The following EGFLAM variants were observed in gnomAD, a reference collection of about 807,000 sequenced individuals.
EGFLAM encodes EGF like, fibronectin type III and laminin G domains.
EGFLAM carries 79 observed loss-of-function variants against 113.1 expected under a neutral mutation model. The ratio of observed to expected loss-of-function variants is 0.70; its 90% CI spans 0.58 to 0.84. The LOEUF is 0.84. Among genes scored for constraint, EGFLAM ranks in the 40% least tolerant of loss-of-function variants. EGFLAM has a pLI of 0.00. For missense variants in EGFLAM, 1,265 were observed against 1,291.6 expected, an observed-to-expected ratio of 0.98 and a Z score of 0.32; for synonymous variants, 504 against 487.6, an observed-to-expected ratio of 1.03 and a Z score of -0.44.
chr5:38,289,953 T>C (rs188911894), intron 1 of EGFLAM, among the ~76,000 whole-genome samples: 90 of 152,352 alleles, frequency 5.9e-4, no homozygotes, highest in Admixed American at 3.2e-3. Flanking sequence ...AAGCACTTAC[T>C]CTGTCAGGCA....
intron 10 of EGFLAM, 114 bp downstream of exon 10, chr5:38,409,218 T>A (rs1178776425): frequency 3.6e-6 from 3 of 822,596 alleles, no homozygotes; most frequent in Non-Finnish European, 5.7e-6. Context: ...GATGAAAGAA[T>A]GGTTTGTATA....
intron 5 of EGFLAM, among the ~76,000 whole-genome samples, chr5:38,358,950 C>G (rs1208398868): frequency 6.6e-6 from 1 of 152,090 alleles, no homozygotes; most frequent in Non-Finnish European, 1.5e-5. Flanking sequence ...GAGAATATTT[C>G]TTTTCTAAAG....
chr5:38,293,193 T>G (rs1408110525), intron 1 of EGFLAM, among the ~76,000 whole-genome samples: 1 of 152,222 alleles, frequency 6.6e-6, no homozygotes, highest in Non-Finnish European at 1.5e-5. Flanking sequence ...CTGGGCAGTA[T>G]AGCAGTTGTT....
Position 38,418,167 on chromosome 5 carries a change from A to C in EGFLAM, c.1596A>C (p.Gln532His), listed in dbSNP as rs757806640. 6.2e-7 allele frequency: 1 copy of C among 1,614,186 alleles called. No individual in the cohort carries two copies. ...VRATGTNRGFQGCVQSLAVNG... is the reference protein window; with the variant it reads ...VRATGTNRGFHGCVQSLAVNG... Reference sequence around the variant, plus strand: ...CAACAGGGACAAACCGAGGCTTTCAAGGCTGTGTGCAGTCGCTCGCTGTGA... The same window carrying C: ...CAACAGGGACAAACCGAGGCTTTCACGGCTGTGTGCAGTCGCTCGCTGTGA... The change falls in exon 12 of 22, where the codon CAA becomes CAC. Residue 532 changes from glutamine to histidine, a missense_variant. Coordinates refer to ENST00000322350, the MANE Select transcript of EGFLAM (RefSeq NM_152403.4).
At chr5:38,430,179 A>T (rs1742145369) in intron 14 of EGFLAM, 2 of 187,536 alleles carry the variant, frequency 1.1e-5, no homozygotes, top group African/African-American at 4.7e-5. Flanking sequence ...GCAACCACTC[A>T]GGCCTATAGC....
intron 1 of EGFLAM, among the ~76,000 whole-genome samples, chr5:38,268,094 GGT>G (rs1230946344): frequency 1.3e-5 from 2 of 152,026 alleles, no homozygotes; most frequent in East Asian, 3.9e-4. Context: ...CCGGCAAGAT[GGT>G]TTGTTGATTT....
intron 1 of EGFLAM, among the ~76,000 whole-genome samples, chr5:38,290,344 C>T (rs1758290541): frequency 6.6e-6 from 1 of 152,180 alleles, no homozygotes; most frequent in South Asian, 2.1e-4. Context: ...ACCTGCCCTG[C>T]CACAGTAGCC....
At chr5:38,407,380 G>A (rs1402443310) in intron 8 of EGFLAM, among the ~76,000 whole-genome samples, 1 of 152,190 alleles carries the variant, frequency 6.6e-6, no homozygotes, top group Non-Finnish European at 1.5e-5. Context: ...TCCCTTTAAA[G>A]CAATCAATAA....
chr5:38,439,921 C>T (rs207465933), intron 17 of EGFLAM, among the ~76,000 whole-genome samples: 15 of 152,270 alleles, frequency 9.9e-5, no homozygotes, highest in African/African-American at 2.4e-4. Context: ...ATGTAAATCC[C>T]GGACTTAGAT....
At chr5:38,273,136 T>C (rs1757805598) in intron 1 of EGFLAM, among the ~76,000 whole-genome samples, 1 of 152,078 alleles carries the variant, frequency 6.6e-6, no homozygotes, top group Non-Finnish European at 1.5e-5. Context: ...ATTACCCATG[T>C]CACCCCTTCC....
intron 17 of EGFLAM, among the ~76,000 whole-genome samples, chr5:38,442,462 AAAT>A (rs1279779485): frequency 4.0e-5 from 6 of 149,760 alleles, no homozygotes; most frequent in African/African-American, 1.5e-4. Context: ...AATATATTAA[AAAT>A]AAGTCATTTC....
chr5:38,290,211 C>T (rs1015627834), intron 1 of EGFLAM, among the ~76,000 whole-genome samples: 2 of 152,106 alleles, frequency 1.3e-5, no homozygotes, highest in Non-Finnish European at 2.9e-5. Flanking sequence ...AGCTGCAGAC[C>T]CTCTGAGAGC....
At chr5:38,428,525 G>C (rs932118736) in intron 14 of EGFLAM, among the ~76,000 whole-genome samples, 1 of 152,212 alleles carries the variant, frequency 6.6e-6, no homozygotes, top group African/African-American at 2.4e-5. Context: ...AATAGCCTAA[G>C]CAATTCACTT....
chr5:38,360,521 A>G (rs1213788152), intron 5 of EGFLAM, among the ~76,000 whole-genome samples: 1 of 152,166 alleles, frequency 6.6e-6, no homozygotes, highest in Non-Finnish European at 1.5e-5. Context: ...TGCGTAACAC[A>G]CAGGCTCTGG....
chr5:38,305,332 G>A, intron 1 of EGFLAM: 1 of 278,832 alleles, frequency 3.6e-6, no homozygotes, highest in South Asian at 3.6e-5. Context: ...AATTCTGAAG[G>A]AAAATTATTT....
At chr5:38,334,489 T>C (rs1192385216) in intron 1 of EGFLAM, among the ~76,000 whole-genome samples, 1 of 152,116 alleles carries the variant, frequency 6.6e-6, no homozygotes, top group Non-Finnish European at 1.5e-5. Flanking sequence ...ATCCTGTTCA[T>C]GAGGGCTCTA....
chr5:38,448,269 C>T, intron 17 of EGFLAM, 32 bp from the exon 18 acceptor site: 1 of 1,612,992 alleles, frequency 6.2e-7, no homozygotes, highest in Non-Finnish European at 8.5e-7. Context: ...GAACCACATA[C>T]TATGTAACCT....
chr5:38,453,477 T>C (rs909372474), intron 19 of EGFLAM, among the ~76,000 whole-genome samples: 1 of 152,180 alleles, frequency 6.6e-6, no homozygotes, highest in Non-Finnish European at 1.5e-5. Flanking sequence ...AATGTTATGC[T>C]ATTCCCTAAA....
At chr5:38,372,588 G>T (rs1430326013) in intron 6 of EGFLAM, among the ~76,000 whole-genome samples, 2 of 152,178 alleles carry the variant, frequency 1.3e-5, no homozygotes. Context: ...ACAGATCTGT[G>T]AGATTTTATT....
Sources: gnomAD v4.1 joint callset for allele counts (sites outside exome capture counted in the v4.1 genomes callset) on GRCh38, gnomAD v4.1.1 for gene constraint, MANE v1.5 for transcripts, NCBI Gene and HGNC (gene_info 2026-07-23, HGNC 2026-07-21) for gene names.